Variants in DST observed in about 807,000 individuals in gnomAD.
The protein encoded by DST is dystonin.
In DST, 253 loss-of-function variants were observed where a neutral mutation model predicts 875.2. That is an observed-to-expected ratio of 0.29 (90% CI 0.26 to 0.32). DST has a LOEUF of 0.32. Among genes scored for constraint, DST ranks in the 10% least tolerant of loss-of-function variants. The probability of loss-of-function intolerance (pLI) is 1.00; values close to 1 mark genes in which losing one functional copy is unlikely to be tolerated. For missense variants in DST, 8,287 were observed against 9,111.6 expected (o/e 0.91, Z 3.68); for synonymous variants, 3,124 against 3,197.1 (o/e 0.98, Z 0.77).
intron 90 of DST, among the ~76,000 whole-genome samples, chr6:56,481,627 CTTG>C (rs1208431620): frequency 6.6e-6 from 1 of 152,184 alleles, no homozygotes; most frequent in Admixed American, 6.5e-5. Flanking sequence ...ACCTGTGTGT[CTTG>C]TTTACAAAGG....
rs1407201421 is a variant in DST, at chr6:56,782,818, G to C, written c.626-47529C>G. Among the ~76,000 whole-genome samples, 25 of 151,730 alleles carry C rather than the reference G, an allele frequency of 1.6e-4. 1 individual carries two copies. The highest frequency in any genetic ancestry group is 1.6e-3 in the Admixed American group (25 of 15,234). ...CTAGTTCTTTTAATTGTGATGTTAG[G>C]GTATCAATTTTGGATCTTTCCTGCT... is the stretch of plus-strand genomic sequence containing the variant. On this transcript the variant is annotated intron_variant, in intron 4 of 103. Coordinates refer to ENST00000680361, the MANE Select transcript of DST (RefSeq NM_001374736.1).
At chr6:56,639,128 G>A in intron 22 of DST, 131 bp downstream of exon 22, 1 of 798,828 alleles carries the variant, frequency 1.3e-6, no homozygotes. Flanking sequence ...CAATTTGTCA[G>A]AAACATTTCT....
chr6:56,670,839 G>C lies in DST; in HGVS notation c.1048-32C>G, dbSNP rs760707916. 3.4e-5 allele frequency: 50 copies of C among 1,464,960 alleles called. No individual in the cohort carries two copies. In the East Asian group the frequency reaches 1.1e-3, roughly 34 times the overall value. 90.7% of individuals were successfully genotyped at this position (1,464,960 alleles called of 1,614,324 possible). A position where few individuals can be genotyped will look rare whatever the true frequency, so the allele number is the denominator to read the frequency against. Reference sequence around the variant, plus strand: ...ATAACAGAAAGTGTTAAACCTTTAGGAAGGAAGGAAGCTAACTCAGATTAA... The same window carrying C: ...ATAACAGAAAGTGTTAAACCTTTAGCAAGGAAGGAAGCTAACTCAGATTAA... On this transcript the variant is annotated intron_variant, in intron 9 of 103. Transcript: ENST00000680361.
chr6:56,941,726 C>T (rs1816699702), intron 2 of DST, among the ~76,000 whole-genome samples: 1 of 152,178 alleles, frequency 6.6e-6, no homozygotes, highest in South Asian at 2.1e-4. Flanking sequence ...AATGATCCTA[C>T]TACCTCGGCC....
intron 2 of DST, among the ~76,000 whole-genome samples, chr6:56,925,987 TCTGA>T (rs1228368965): frequency 7.2e-5 from 11 of 152,368 alleles, no homozygotes; most frequent in African/African-American, 2.4e-4. Flanking sequence ...AAACTGTCTT[TCTGA>T]CTTATTCTGA....
At chr6:56,685,567 C>T (rs2152849393) in intron 9 of DST, among the ~76,000 whole-genome samples, 1 of 152,036 alleles carries the variant, frequency 6.6e-6, no homozygotes, top group African/African-American at 2.4e-5. Flanking sequence ...AGGTCAGGGG[C>T]TGGAGAACAG....
chr6:56,534,307 T>C (rs1056630149), intron 63 of DST, among the ~76,000 whole-genome samples: 2 of 152,180 alleles, frequency 1.3e-5, no homozygotes, highest in African/African-American at 4.8e-5. Context: ...ACCTTAACAG[T>C]ACGCCATGCT....
rs2096612589 is a variant in DST, at chr6:56,517,274, T to C, written c.18281A>G (p.Asp6094Gly). 1.2e-6 allele frequency: 2 copies of C among 1,612,666 alleles called. No homozygotes were observed. Among genetic ancestry groups the C allele is most frequent in the Admixed American group, 1.7e-5 (1 of 59,998 alleles). ...AGATTTAACAAGGTCATCAATAATA[T>C]CCTTGTGTCTCAAAATCTCCATGGT... is the stretch of plus-strand genomic sequence containing the variant. ...TFTMEILRHK[D>G]IIDDLVKSGH... The change falls in exon 71 of 104, where the codon GAT becomes GGT. Residue 6094 changes from aspartate to glycine, a missense_variant. Asp to Gly is a moderately conservative substitution (Grantham distance 94). Around this residue, in one of 10 missense-constraint regions of DST, gnomAD observed 777 missense variants for 764.8 expected, o/e 1.02. Coordinates refer to ENST00000680361, the MANE Select transcript of DST (RefSeq NM_001374736.1).
chr6:56,609,470 C>A (rs954249627), intron 39 of DST, 126 bp from the exon 40 acceptor site: 9 of 685,450 alleles, frequency 1.3e-5, no homozygotes, highest in Admixed American at 2.6e-5. Flanking sequence ...CTTACCAAGG[C>A]GCAGCAATGC....
Position 56,606,436 on chromosome 6 carries a change from T to C in DST, c.8192A>G (p.Asn2731Ser), listed in dbSNP as rs763055879. 6.2e-7 allele frequency: 1 copy of C among 1,613,432 alleles called. No individual in the cohort carries two copies. Among genetic ancestry groups the C allele is most frequent in the Non-Finnish European group, 8.5e-7 (1 of 1,179,558 alleles). ...LETGSERECT[N>S]ILEGDESDSL... ...GTCAGATTCATCACCTTCAAGGATA[T>C]TTGTGCATTCCCTTTCTGATCCAGT... The change falls in exon 40 of 104, where the codon AAT becomes AGT. Residue 2731 changes from asparagine (N) to serine (S), a missense_variant. Physicochemically the swap from Asn to Ser is conservative, Grantham distance 46. Coordinates refer to ENST00000680361, the MANE Select transcript of DST (RefSeq NM_001374736.1).
At chr6:56,906,519 A>G (rs1053423444) in intron 2 of DST, among the ~76,000 whole-genome samples, 2 of 152,110 alleles carry the variant, frequency 1.3e-5, no homozygotes, top group Non-Finnish European at 2.9e-5. Flanking sequence ...CCAAGGGAAG[A>G]GTCATTAGCA....
intron 36 of DST, among the ~76,000 whole-genome samples, chr6:56,622,491 C>T (rs2098699185): frequency 7.1e-6 from 1 of 140,048 alleles, no homozygotes; most frequent in African/African-American, 2.7e-5. Context: ...CAGTGAATTA[C>T]TTGAACCCAG....
chr6:56,562,608 ATATTT>A (rs1321986547), intron 55 of DST, among the ~76,000 whole-genome samples: 2 of 151,632 alleles, frequency 1.3e-5, no homozygotes, highest in Non-Finnish European at 2.9e-5. Context: ...TTATTTTATT[ATATTT>A]TAAGTTCTGG....
chr6:56,716,258 T>C (rs1041928278), intron 5 of DST, among the ~76,000 whole-genome samples: 5 of 152,162 alleles, frequency 3.3e-5, no homozygotes, highest in Admixed American at 2.0e-4. Context: ...ACCTGTACAT[T>C]TATGGACAAC....
At chr6:56,475,424 CACACACACACAA>C (rs1190754717) in intron 92 of DST, among the ~76,000 whole-genome samples, 329 of 130,062 alleles carry the variant, frequency 2.5e-3, no homozygotes, top group Middle Eastern at 0.024. Context: ...CACACACACA[CACACACACACAA>C]AATAATGGCA....
In DST at chr6:56,642,764, G is replaced by A. The variant is rs75671065; in HGVS notation, c.1779-261C>T. The A allele has an allele frequency of 2.3e-3, 3,743 of 1,614,004 alleles. 18 individuals carry two copies. The highest frequency in any genetic ancestry group is 9.9e-3 in the South Asian group (903 of 91,074). Reference sequence around the variant, plus strand: ...TTACTAAACACAGAATCACTGCTACGGTAACTATAACTACTACTGTGCATT... The same window carrying A: ...TTACTAAACACAGAATCACTGCTACAGTAACTATAACTACTACTGTGCATT... On this transcript the variant is annotated intron_variant, in intron 15 of 103. Coordinates refer to ENST00000680361, the MANE Select transcript of DST (RefSeq NM_001374736.1).
intron 77 of DST, among the ~76,000 whole-genome samples, chr6:56,505,084 G>A (rs191368640): frequency 6.6e-6 from 1 of 152,272 alleles, no homozygotes; most frequent in East Asian, 1.9e-4. Flanking sequence ...CCCTGACTAA[G>A]TACTTAAGCA....
At chr6:56,734,322 A>G (rs2099515302) in intron 5 of DST, among the ~76,000 whole-genome samples, 1 of 152,256 alleles carries the variant, frequency 6.6e-6, no homozygotes, top group South Asian at 2.1e-4. Context: ...TACATCCATG[A>G]AATAAAAATC....
In DST at chr6:56,606,360, T is replaced by A. The variant is rs758107699; in HGVS notation, c.8268A>T (p.Ser2756=). The part of the protein sequence containing the change: ...IVGGKESFTA[S]LKFDDSGSWR... ...AACTGCCACTGTCATCAAATTTTAA[T>A]GATGCAGTGAAGCTCTCTTTTCCTC... The change falls in exon 40 of 104, where the codon TCA becomes TCT. Residue 2756 remains serine (S), a synonymous_variant. Coordinates refer to ENST00000680361, the MANE Select transcript of DST (RefSeq NM_001374736.1). The A allele has an allele frequency of 3.7e-6, 6 of 1,613,228 alleles. No individual in the cohort carries two copies. The highest frequency in any genetic ancestry group is 5.1e-6 in the Non-Finnish European group (6 of 1,179,526).
Sources: allele counts gnomAD v4.1 joint callset (sites outside exome capture counted in the v4.1 genomes callset), GRCh38; gene constraint gnomAD v4.1.1; regional missense constraint gnomAD v4.1.1; transcripts MANE v1.5; gene names NCBI Gene and HGNC (gene_info 2026-07-23, HGNC 2026-07-21).